The following GGT5 variants were observed in gnomAD, a reference collection of about 807,000 sequenced individuals.
The protein encoded by GGT5 is gamma-glutamyltransferase 5.
Under a neutral mutation model 58.1 loss-of-function variants are expected in GGT5, and 50 were observed. That is an observed-to-expected ratio of 0.86 (90% CI 0.69 to 1.09). The LOEUF (loss-of-function observed/expected upper bound fraction) is 1.09. Among genes scored for constraint, GGT5 ranks in the 50% least tolerant of loss-of-function variants. GGT5 has a pLI of 0.00. For missense variants in GGT5, 800 were observed against 789.4 expected (o/e 1.01, Z -0.16); for synonymous variants, 370 against 346.1 (o/e 1.07, Z -0.77).
intron 6 of GGT5, among the ~76,000 whole-genome samples, chr22:24,230,041 CGG>C (rs764851868): frequency 1.3e-5 from 2 of 150,752 alleles, no homozygotes; most frequent in Non-Finnish European, 3.0e-5. Context: ...AAGACCAGCC[CGG>C]CCAACATGGT....
At position 24,231,483 on chromosome 22, in the gene GGT5, C is replaced by A; in HGVS notation, c.802G>T (p.Val268Leu). The change falls in exon 6 of 12, where the codon GTG becomes TTG. Residue 268 changes from valine to leucine, a missense_variant. By Grantham distance (32) the Val-to-Leu change is conservative (BLOSUM62 1). Transcript: ENST00000327365. The stretch of plus-strand genomic sequence containing the variant: ...CCCAGGGGCACCTCCAGGGCATCCA[C>A]CACCTCGGGCTGGAACTTGGCCAGG... ...QDLAKFQPEV[V>L]DALEVPLGDY... 1 of 1,582,644 alleles carries A rather than the reference C, an allele frequency of 6.3e-7. No homozygotes were observed. The highest frequency in any genetic ancestry group is 8.6e-7 in the Non-Finnish European group (1 of 1,164,096).
chr22:24,226,123 C>G lies in GGT5; in HGVS notation c.1182G>C (p.Leu394=), dbSNP rs764579741. 6.8e-6 allele frequency: 11 copies of G among 1,609,912 alleles called. No individual in the cohort carries two copies. In the South Asian group the frequency reaches 1.2e-4, roughly 18 times the overall value. ...CAGCCACGGCGCTGCCATCCTCCCC[C>G]AGCACAGACACATGGGACGTGCCTG... ...HGTGTSHVSV[L]GEDGSAVAAT... is the part of the protein sequence containing the mutation. The change falls in exon 8 of 12, where the codon CTG becomes CTC. Residue 394 remains leucine (L), a synonymous_variant. Coordinates refer to ENST00000327365, the MANE Select transcript of GGT5 (RefSeq NM_004121.5).
chr22:24,239,601 A>T (rs1175236672), intron 1 of GGT5, among the ~76,000 whole-genome samples: 2 of 151,800 alleles, frequency 1.3e-5, no homozygotes, highest in African/African-American at 4.8e-5. Context: ...TTCATTACAC[A>T]ATTCTCTTTA....
chr22:24,242,963 A>C (rs1311699909), intron 1 of GGT5: 3 of 152,344 alleles, frequency 2.0e-5, no homozygotes, highest in Non-Finnish European at 4.4e-5. Context: ...TTCAAGGGAC[A>C]GTTTGAGGGG....
chr22:24,228,787 C>A (rs1377484626), intron 6 of GGT5, among the ~76,000 whole-genome samples: 1 of 150,246 alleles, frequency 6.7e-6, no homozygotes, highest in African/African-American at 2.4e-5. Context: ...TATGAGGACG[C>A]AAAGGAATAA....
intron 1 of GGT5, among the ~76,000 whole-genome samples, chr22:24,237,253 C>G (rs1239573937): frequency 6.6e-6 from 1 of 151,934 alleles, no homozygotes; most frequent in Non-Finnish European, 1.5e-5. Flanking sequence ...TGCCATAATG[C>G]CCCACACGTG....
chr22:24,232,319 C>T (rs954344709), intron 4 of GGT5, 111 bp from the exon 5 acceptor site: 15 of 592,310 alleles, frequency 2.5e-5, no homozygotes, highest in African/African-American at 1.7e-4. Context: ...GGCGCCCTGG[C>T]CCAGGGTCCC....
intron 11 of GGT5, among the ~76,000 whole-genome samples, chr22:24,224,709 C>G (rs1258816362): frequency 1.3e-5 from 2 of 152,190 alleles, no homozygotes; most frequent in Non-Finnish European, 2.9e-5. Flanking sequence ...CAGGAAAACT[C>G]ACTTCTGAAA....
intron 4 of GGT5, 152 bp downstream of exon 4, chr22:24,232,671 A>C: frequency 2.1e-6 from 1 of 485,470 alleles, no homozygotes. Context: ...GGGGAGCTGG[A>C]AGGGCCATGA....
At chr22:24,232,020 G>T in intron 5 of GGT5, 31 bp downstream of exon 5, 1 of 1,593,778 alleles carries the variant, frequency 6.3e-7, no homozygotes, top group Non-Finnish European at 8.6e-7. Context: ...CCTCCAGCAG[G>T]GATGGGGTAT....
intron 11 of GGT5, chr22:24,220,429 C>T (rs953246764): frequency 7.9e-5 from 41 of 520,112 alleles, no homozygotes; most frequent in Non-Finnish European, 1.4e-4. Flanking sequence ...GTTCAGGGGG[C>T]CTTCGATGGA....
At chr22:24,229,600 G>A (rs1482746008) in intron 6 of GGT5, among the ~76,000 whole-genome samples, 2 of 152,044 alleles carry the variant, frequency 1.3e-5, no homozygotes, top group African/African-American at 4.8e-5. Flanking sequence ...GGGAGGCTGA[G>A]GCAGGCAGAT....
In GGT5 at chr22:24,232,944, A is replaced by T. The variant is rs1170751848; in HGVS notation, c.475T>A (p.Trp159Arg). 10 of 1,570,606 alleles carry T rather than the reference A, an allele frequency of 6.4e-6. No homozygotes were observed. The highest frequency in any genetic ancestry group is 8.6e-6 in the Non-Finnish European group (10 of 1,158,146). ...EAHRRHGRLPWAQLFQPTIAL... is the reference protein window; with the variant it reads ...EAHRRHGRLPRAQLFQPTIAL... ...ATGGTGGGCTGGAACAGCTGCGCCC[A>T]GGGCAGGCGGCCATGGCGGCGGTGG... The change falls in exon 4 of 12, where the codon TGG becomes AGG. Residue 159 changes from tryptophan to arginine, a missense_variant. Physicochemically the swap from Trp to Arg is moderately radical, Grantham distance 101. Coordinates refer to ENST00000327365, the MANE Select transcript of GGT5 (RefSeq NM_004121.5).
intron 6 of GGT5, among the ~76,000 whole-genome samples, chr22:24,229,815 C>T (rs886719762): frequency 2.6e-5 from 4 of 151,144 alleles, no homozygotes; most frequent in South Asian, 2.1e-4. Context: ...CATGCCACTG[C>T]TCTCCAGCCT....
chr22:24,230,600 A>T (rs2047909074), intron 6 of GGT5, among the ~76,000 whole-genome samples: 1 of 152,100 alleles, frequency 6.6e-6, no homozygotes, highest in African/African-American at 2.4e-5. Flanking sequence ...TGAAAAAAAT[A>T]AAATGTACAA....
chr22:24,238,740 A>G (rs549144804), intron 1 of GGT5, among the ~76,000 whole-genome samples: 6 of 85,846 alleles, frequency 7.0e-5, no homozygotes, highest in Admixed American at 3.7e-4. Flanking sequence ...ATATATATAT[A>G]TGTGTGTGTA....
chr22:24,220,622 C>T (rs999133407), intron 11 of GGT5: 45 of 453,344 alleles, frequency 9.9e-5, no homozygotes, highest in Non-Finnish European at 1.5e-4. Flanking sequence ...AAAAGCCAGG[C>T]GTGGTGGCAC....
At chr22:24,231,248 G>A (rs1156468621) in intron 6 of GGT5, 136 bp downstream of exon 6, 8 of 629,628 alleles carry the variant, frequency 1.3e-5, no homozygotes, top group Non-Finnish European at 2.3e-5. Context: ...TCTTCATATT[G>A]TGCATCTGTG....
At chr22:24,236,450 C>A (rs770212556) in intron 1 of GGT5, among the ~76,000 whole-genome samples, 4 of 152,162 alleles carry the variant, frequency 2.6e-5, no homozygotes, top group African/African-American at 9.7e-5. Context: ...GTTGGCCTTG[C>A]TCCCTTACAT....
Sources: gnomAD v4.1 joint callset for allele counts (sites outside exome capture counted in the v4.1 genomes callset) on GRCh38, gnomAD v4.1.1 for gene constraint, MANE v1.5 for transcripts, NCBI Gene and HGNC (gene_info 2026-07-23, HGNC 2026-07-21) for gene names.